The following DDR2 variants were observed in gnomAD, a reference collection of about 807,000 sequenced individuals.
DDR2 encodes the protein discoidin domain-containing receptor 2.
In DDR2, 27 loss-of-function variants were observed where a neutral mutation model predicts 94.9. That is an observed-to-expected ratio of 0.28 (90% CI 0.21 to 0.39). The LOEUF (loss-of-function observed/expected upper bound fraction) is 0.39, where lower values mean the gene tolerates loss of function less well. Among genes scored for constraint, DDR2 ranks in the 10% least tolerant of loss-of-function variants. The pLI, the probability that DDR2 is intolerant of heterozygous loss-of-function variation, is 1.00. For synonymous variants in DDR2, 382 were observed against 377.2 expected, an observed-to-expected ratio of 1.01 and a Z score of -0.15; for missense variants, 783 against 1,076.0, an observed-to-expected ratio of 0.73 and a Z score of 3.81.
At chr1:162,778,035 A>C (rs1647681120) in intron 16 of DDR2, 1 of 158,844 alleles carries the variant, frequency 6.3e-6, no homozygotes. Context: ...AATATTTAAT[A>C]ATAAATAATA....
upstream of DDR2, among the ~76,000 whole-genome samples, chr1:162,631,734 G>T (rs1656569439): frequency 1.3e-5 from 2 of 152,056 alleles, no homozygotes. Context: ...CTGTGGAAGC[G>T]GGGAGAAGAT....
chr1:162,706,405 T>G (rs868013338), intron 2 of DDR2, among the ~76,000 whole-genome samples: 2 of 152,200 alleles, frequency 1.3e-5, no homozygotes, highest in Non-Finnish European at 2.9e-5. Context: ...AAGCATCGTC[T>G]GAGCCCACAG....
rs1648150794 is a variant in DDR2, at chr1:162,786,414, T to A, written c.*6168T>A. The A allele has an allele frequency of 6.6e-6, 1 of 152,238 alleles. No homozygotes were observed. Among genetic ancestry groups the A allele is most frequent in the African/African-American group, 2.4e-5 (1 of 41,468 alleles). 9.4% of individuals were successfully genotyped at this position (152,238 alleles called of 1,614,324 possible). A position where few individuals can be genotyped will look rare whatever the true frequency, so the allele number is the denominator to read the frequency against. ...AGGGCAAATGGATTTAATTTCTGCTTAAAACTATCATAGACGTTCCAAATA... is the reference window on the plus strand; with the variant it reads ...AGGGCAAATGGATTTAATTTCTGCTAAAAACTATCATAGACGTTCCAAATA... On this transcript the variant is annotated 3_prime_UTR_variant, in exon 18 of 18. Transcript: ENST00000367921.
intron 9 of DDR2, among the ~76,000 whole-genome samples, chr1:162,763,579 A>G (rs1320188859): frequency 6.6e-6 from 1 of 151,992 alleles, no homozygotes; most frequent in Admixed American, 6.6e-5. Context: ...GTTTTCCGAA[A>G]GAACAAGGTA....
intron 2 of DDR2, among the ~76,000 whole-genome samples, chr1:162,706,091 T>C (rs1660648743): frequency 6.6e-6 from 1 of 152,212 alleles, no homozygotes; most frequent in African/African-American, 2.4e-5. Context: ...CAGATTATTG[T>C]GGCCTAGAAG....
chr1:162,694,273 C>G (rs1660086633), intron 2 of DDR2, among the ~76,000 whole-genome samples: 1 of 152,184 alleles, frequency 6.6e-6, no homozygotes, highest in South Asian at 2.1e-4. Flanking sequence ...AAATGCCCTA[C>G]AAGGTTTTGG....
At chr1:162,749,098 A>G (rs1256733551) in intron 3 of DDR2, among the ~76,000 whole-genome samples, 1 of 152,214 alleles carries the variant, frequency 6.6e-6, no homozygotes, top group Non-Finnish European at 1.5e-5. Flanking sequence ...TAAAAGAACT[A>G]GAGAAGCAAG....
chr1:162,721,362 G>C (rs1403450546), intron 3 of DDR2, among the ~76,000 whole-genome samples: 1 of 152,164 alleles, frequency 6.6e-6, no homozygotes, highest in Non-Finnish European at 1.5e-5. Context: ...TTCTGACAGG[G>C]AAAGAGAAAT....
chr1:162,716,992 G>A (rs992601756), intron 2 of DDR2, among the ~76,000 whole-genome samples: 3 of 151,054 alleles, frequency 2.0e-5, no homozygotes, highest in Admixed American at 1.3e-4. Context: ...ATGCTTGCTT[G>A]ATTATTAGTG....
intron 3 of DDR2, among the ~76,000 whole-genome samples, chr1:162,750,158 G>T (rs1441194607): frequency 6.6e-6 from 1 of 152,194 alleles, no homozygotes; most frequent in Non-Finnish European, 1.5e-5. Flanking sequence ...TCAGGCAGGA[G>T]AAAGAAATAA....
intron 3 of DDR2, among the ~76,000 whole-genome samples, chr1:162,736,244 A>G (rs1376482490): frequency 2.0e-5 from 3 of 152,232 alleles, no homozygotes; most frequent in Non-Finnish European, 2.9e-5. Flanking sequence ...TTCTAATGCT[A>G]TTGGTCCATG....
At chr1:162,744,327 C>G (rs1273699464) in intron 3 of DDR2, among the ~76,000 whole-genome samples, 2 of 152,134 alleles carry the variant, frequency 1.3e-5, no homozygotes, top group African/African-American at 4.8e-5. Flanking sequence ...CCTCCCAATT[C>G]CTGGCAACCA....
Position 162,639,089 on chromosome 1 carries a change from C to T in DDR2, c.-192+6458C>T, listed in dbSNP as rs550859457. Among the ~76,000 whole-genome samples the T allele has an allele frequency of 1.5e-3, 232 of 152,236 alleles. 5 individuals are homozygous for T. Among genetic ancestry groups the T allele is most frequent in the African/African-American group, 5.2e-3 (218 of 41,532 alleles). ...CAAGTGATTCTCCTGTCTCAGCCTC[C>T]TGAGTAGCTGGGATTACAGACATGC... On this transcript the variant is annotated intron_variant, in intron 1 of 17. Transcript: ENST00000367921.
At chr1:162,635,169 T>C (rs1456699390) in intron 1 of DDR2, among the ~76,000 whole-genome samples, 1 of 152,236 alleles carries the variant, frequency 6.6e-6, no homozygotes, top group African/African-American at 2.4e-5. Flanking sequence ...AGCCACTCTG[T>C]GAACTCGCAC....
intron 11 of DDR2, among the ~76,000 whole-genome samples, chr1:162,768,058 G>A (rs1664089981): frequency 6.6e-6 from 1 of 152,102 alleles, no homozygotes; most frequent in African/African-American, 2.4e-5. Flanking sequence ...ATAACTCATA[G>A]GCATTGTTAT....
At chr1:162,683,101 T>G (rs191998109) in intron 2 of DDR2, among the ~76,000 whole-genome samples, 86 of 152,334 alleles carry the variant, frequency 5.6e-4, no homozygotes, top group African/African-American at 2.0e-3. Flanking sequence ...AATCATGTGA[T>G]TATATTAATT....
At chr1:162,651,363 T>A (rs1237134261) in intron 1 of DDR2, among the ~76,000 whole-genome samples, 1 of 152,232 alleles carries the variant, frequency 6.6e-6, no homozygotes, top group African/African-American at 2.4e-5. Flanking sequence ...CCCATTCAAA[T>A]TGTTCCCTTT....
chr1:162,637,683 C>T (rs867851406), intron 1 of DDR2, among the ~76,000 whole-genome samples: 1 of 152,184 alleles, frequency 6.6e-6, no homozygotes, highest in South Asian at 2.1e-4. Context: ...TGAGGTTTCT[C>T]ATTTATTAGA....
intron 1 of DDR2, among the ~76,000 whole-genome samples, chr1:162,640,595 T>G (rs1199859523): frequency 6.6e-6 from 1 of 152,246 alleles, no homozygotes; most frequent in Admixed American, 6.5e-5. Flanking sequence ...TCTTGGCTAC[T>G]TCTTTCTTAT....
Sources: allele counts gnomAD v4.1 joint callset (sites outside exome capture counted in the v4.1 genomes callset), GRCh38; gene constraint gnomAD v4.1.1; transcripts MANE v1.5; gene names NCBI Gene and HGNC (gene_info 2026-07-23, HGNC 2026-07-21).